PPM1H: variants seen among roughly 807,000 people sequenced by gnomAD.
PPM1H encodes the protein protein phosphatase, Mg2+/Mn2+ dependent 1H.
Under a neutral mutation model 54.9 loss-of-function variants are expected in PPM1H, and 27 were observed. That is an observed-to-expected ratio of 0.49 (90% CI 0.36 to 0.68). The LOEUF (loss-of-function observed/expected upper bound fraction) is 0.68. PPM1H is among the 30% of genes least tolerant of loss of function. The probability of loss-of-function intolerance (pLI) is 0.00; values close to 1 mark genes in which losing one functional copy is unlikely to be tolerated. For missense variants in PPM1H, 596 were observed against 667.8 expected (o/e 0.89, Z 1.19); for synonymous variants, 305 against 270.8 (o/e 1.13, Z -1.24).
intron 4 of PPM1H, among the ~76,000 whole-genome samples, chr12:62,751,863 G>A (rs1465772039): frequency 6.6e-6 from 1 of 152,166 alleles, no homozygotes; most frequent in Non-Finnish European, 1.5e-5. Flanking sequence ...TACTTCATGT[G>A]GCAGGGCAGG....
intron 5 of PPM1H, chr12:62,721,024 G>C (rs954446444): frequency 1.3e-5 from 2 of 152,278 alleles, no homozygotes; most frequent in Admixed American, 1.3e-4. Context: ...AAGCAGGCCT[G>C]CACTAGAACT....
At chr12:62,759,952 T>C (rs2076498357) in intron 4 of PPM1H, among the ~76,000 whole-genome samples, 1 of 152,052 alleles carries the variant, frequency 6.6e-6, no homozygotes, top group African/African-American at 2.4e-5. Context: ...TCTCTCCATG[T>C]CTCTACCCTT....
intron 1 of PPM1H, among the ~76,000 whole-genome samples, chr12:62,890,861 G>A (rs891335698): frequency 2.0e-5 from 3 of 152,022 alleles, no homozygotes; most frequent in Non-Finnish European, 4.4e-5. Context: ...TGTAACCCCA[G>A]CACTTTGGGA....
At chr12:62,845,261 C>T (rs1243878662) in intron 1 of PPM1H, among the ~76,000 whole-genome samples, 3 of 152,222 alleles carry the variant, frequency 2.0e-5, no homozygotes, top group Admixed American at 1.3e-4. Context: ...GAATTCCCTT[C>T]ACTGGAAATG....
chr12:62,738,414 T>TC (rs1158474719), intron 4 of PPM1H, among the ~76,000 whole-genome samples: 3 of 151,686 alleles, frequency 2.0e-5, no homozygotes, highest in African/African-American at 7.3e-5. Flanking sequence ...ACTCATACAC[T>TC]CCAAAAAGTG....
intron 2 of PPM1H, 127 bp from the exon 3 acceptor site, chr12:62,802,287 C>A (rs1257780637): frequency 7.9e-6 from 5 of 632,070 alleles, no homozygotes; most frequent in African/African-American, 5.7e-5. Flanking sequence ...ACAATGCGGT[C>A]AAAACATAGC....
chr12:62,655,409 C>T (rs2075838471), intron 9 of PPM1H, among the ~76,000 whole-genome samples: 1 of 152,134 alleles, frequency 6.6e-6, no homozygotes, highest in South Asian at 2.1e-4. Flanking sequence ...CTTCTCCTGC[C>T]CCCATTGTAT....
chr12:62,779,852 T>C (rs2076631272), intron 4 of PPM1H, among the ~76,000 whole-genome samples: 1 of 152,250 alleles, frequency 6.6e-6, no homozygotes, highest in South Asian at 2.1e-4. Flanking sequence ...ACAAAAGTTA[T>C]CTTTTCATGT....
chr12:62,682,918 C>T (rs1266225370), intron 8 of PPM1H, among the ~76,000 whole-genome samples: 1 of 151,870 alleles, frequency 6.6e-6, no homozygotes, highest in Non-Finnish European at 1.5e-5. Context: ...ACCTTCCAGG[C>T]TCAAGTGATC....
At chr12:62,835,042 C>T (rs1368203832) in intron 1 of PPM1H, among the ~76,000 whole-genome samples, 1 of 152,158 alleles carries the variant, frequency 6.6e-6, no homozygotes, top group Non-Finnish European at 1.5e-5. Flanking sequence ...CTTGGCATCA[C>T]TCTGACCACT....
chr12:62,738,447 C>T (rs1269301637), intron 4 of PPM1H, among the ~76,000 whole-genome samples: 1 of 152,076 alleles, frequency 6.6e-6, no homozygotes, highest in Non-Finnish European at 1.5e-5. Context: ...ATTGCCCAGT[C>T]AAGGACTTTT....
intron 4 of PPM1H, among the ~76,000 whole-genome samples, chr12:62,774,575 C>G (rs2076598788): frequency 6.6e-6 from 1 of 152,128 alleles, no homozygotes; most frequent in Non-Finnish European, 1.5e-5. Flanking sequence ...CTCCTGGACT[C>G]AAATTATTCT....
intron 8 of PPM1H, among the ~76,000 whole-genome samples, chr12:62,678,734 A>C (rs1429200389): frequency 6.6e-6 from 1 of 151,918 alleles, no homozygotes; most frequent in Non-Finnish European, 1.5e-5. Flanking sequence ...TCTGTTGCTC[A>C]GGCTGTAGTG....
In PPM1H at chr12:62,902,355, A is replaced by AAAT. The variant is rs903508211; in HGVS notation, c.245+32134_245+32136dup. On this transcript the variant is annotated intron_variant, in intron 1 of 9. Transcript: ENST00000228705. ...GGCAAAAGAGCAAGACTCCAACTCA[A>AAAT]AATAATAATAATAATAATAATAAAA... is the stretch of plus-strand genomic sequence containing the variant. 1.0e-3 allele frequency among the ~76,000 whole-genome samples: 155 copies of AAAT among 151,452 alleles called. 2 individuals are homozygous for AAAT. Among genetic ancestry groups the AAAT allele is most frequent in the African/African-American group, 2.3e-3 (94 of 41,402 alleles).
intron 2 of PPM1H, among the ~76,000 whole-genome samples, chr12:62,815,096 G>A (rs2076857968): frequency 6.6e-6 from 1 of 152,126 alleles, no homozygotes; most frequent in Non-Finnish European, 1.5e-5. Flanking sequence ...ACATTTGAGT[G>A]ACTTCATGAA....
chr12:62,782,684 A>C (rs2076649208), intron 4 of PPM1H, among the ~76,000 whole-genome samples: 2 of 152,212 alleles, frequency 1.3e-5, no homozygotes, highest in South Asian at 4.1e-4. Context: ...TCAATTCAAA[A>C]ACTTAGTGAG....
chr12:62,708,341 A>C (rs1455366029), intron 6 of PPM1H, among the ~76,000 whole-genome samples: 2 of 152,222 alleles, frequency 1.3e-5, no homozygotes, highest in African/African-American at 4.8e-5. Context: ...AGAAGCAAGG[A>C]GTTTGAAACC....
At chr12:62,798,608 A>T (rs2076749520) in intron 3 of PPM1H, among the ~76,000 whole-genome samples, 1 of 152,168 alleles carries the variant, frequency 6.6e-6, no homozygotes, top group Admixed American at 6.5e-5. Context: ...TGAAAGGAAC[A>T]AACAGGGAAG....
intron 8 of PPM1H, among the ~76,000 whole-genome samples, chr12:62,673,135 G>C (rs1442193567): frequency 1.3e-5 from 2 of 152,138 alleles, no homozygotes; most frequent in Admixed American, 1.3e-4. Context: ...TTCAGTGTGG[G>C]GGAGCAGGAA....
Sources: allele counts gnomAD v4.1 joint callset (sites outside exome capture counted in the v4.1 genomes callset), GRCh38; gene constraint gnomAD v4.1.1; transcripts MANE v1.5; gene names NCBI Gene and HGNC (gene_info 2026-07-23, HGNC 2026-07-21).